Variants in GFRAL observed in about 807,000 individuals in gnomAD.
GFRAL encodes GDNF family receptor alpha like, also known as GDNF family receptor alpha-like.
A neutral mutation model predicts 45.4 loss-of-function variants in GFRAL; 36 were observed. The observed-to-expected ratio is 0.79, with a 90% CI of 0.61 to 1.05. The LOEUF (loss-of-function observed/expected upper bound fraction) is 1.05. GFRAL is among the 50% of genes least tolerant of loss of function. The probability of loss-of-function intolerance (pLI) is 0.00; values close to 1 mark genes in which losing one functional copy is unlikely to be tolerated. For missense variants in GFRAL, 507 were observed against 467.5 expected (o/e 1.08, Z -0.78); for synonymous variants, 166 against 154.1 (o/e 1.08, Z -0.57).
chr6:55,371,269 A>G (rs1027674880), intron 6 of GFRAL, among the ~76,000 whole-genome samples: 1 of 152,226 alleles, frequency 6.6e-6, no homozygotes, highest in African/African-American at 2.4e-5. Context: ...TGGTTGAACT[A>G]TAGAAATTCA....
intron 2 of GFRAL, among the ~76,000 whole-genome samples, chr6:55,333,571 G>A (rs1767856292): frequency 6.6e-6 from 1 of 152,106 alleles, no homozygotes; most frequent in African/African-American, 2.4e-5. Context: ...TTGAAATGCA[G>A]AAAGTTTTAA....
chr6:55,399,311 T>C, intron 7 of GFRAL, 36 bp downstream of exon 7: 1 of 1,518,792 alleles, frequency 6.6e-7, no homozygotes, highest in East Asian at 2.3e-5. Flanking sequence ...ATATTTATAT[T>C]ATTTATTTCC....
At chr6:55,395,802 A>G (rs1257335777) in intron 6 of GFRAL, among the ~76,000 whole-genome samples, 1 of 151,826 alleles carries the variant, frequency 6.6e-6, no homozygotes, top group African/African-American at 2.4e-5. Context: ...AAAAGAAAAA[A>G]GAAACAGTAA....
At chr6:55,394,770 C>A (rs1768799353) in intron 6 of GFRAL, among the ~76,000 whole-genome samples, 1 of 151,930 alleles carries the variant, frequency 6.6e-6, no homozygotes, top group Non-Finnish European at 1.5e-5. Context: ...GCAAAGACAT[C>A]AAATCTGGTG....
chr6:55,371,579 A>G (rs997002631), intron 6 of GFRAL, among the ~76,000 whole-genome samples: 1 of 152,174 alleles, frequency 6.6e-6, no homozygotes, highest in Non-Finnish European at 1.5e-5. Flanking sequence ...ATTTGTCACA[A>G]GTTTTTTGTA....
At chr6:55,356,739 G>T (rs1768200249) in intron 5 of GFRAL, among the ~76,000 whole-genome samples, 1 of 151,336 alleles carries the variant, frequency 6.6e-6, no homozygotes, top group Non-Finnish European at 1.5e-5. Flanking sequence ...TTAATTTTGG[G>T]TTCAGTTTGC....
intron 1 of GFRAL, among the ~76,000 whole-genome samples, chr6:55,329,369 GT>G (rs1767801963): frequency 6.6e-6 from 1 of 152,120 alleles, no homozygotes; most frequent in African/African-American, 2.4e-5. Context: ...AAGACAACAT[GT>G]AGTATTTCTA....
At chr6:55,341,828 A>C (rs1223072902) in intron 3 of GFRAL, among the ~76,000 whole-genome samples, 2 of 152,236 alleles carry the variant, frequency 1.3e-5, no homozygotes, top group African/African-American at 4.8e-5. Flanking sequence ...AAGTCCTTAA[A>C]TGAGCTGATG....
chr6:55,365,682 C>T (rs1056651884), intron 6 of GFRAL, among the ~76,000 whole-genome samples: 1 of 145,344 alleles, frequency 6.9e-6, no homozygotes, highest in Admixed American at 6.9e-5. Context: ...GCTTTTTCTG[C>T]ATCTATTGAG....
At chr6:55,342,314 A>C (rs566354572) in intron 3 of GFRAL, among the ~76,000 whole-genome samples, 1 of 152,342 alleles carries the variant, frequency 6.6e-6, no homozygotes, top group South Asian at 2.1e-4. Flanking sequence ...CAGCAGACTA[A>C]CAGCAGATCT....
At chr6:55,343,931 T>TCAA (rs1355864006) in intron 3 of GFRAL, among the ~76,000 whole-genome samples, 1 of 150,998 alleles carries the variant, frequency 6.6e-6, no homozygotes, top group Non-Finnish European at 1.5e-5. Context: ...AACCAGAAAA[T>TCAA]CAACAAGAAA....
chr6:55,399,226 A>G lies in GFRAL; in HGVS notation c.999A>G (p.Arg333=). The G allele has an allele frequency of 6.2e-7, 1 of 1,607,852 alleles. No individual in the cohort carries two copies. Among genetic ancestry groups the G allele is most frequent in the Non-Finnish European group, 8.5e-7 (1 of 1,175,908 alleles). ...TCAAAGGCATGGCATTGTATACAAG[A>G]AAACATGCAAACAAAATCACTTTAA... ...SNVKGMALYT[R]KHANKITLTG... The change falls in exon 7 of 9, where the codon AGA becomes AGG. Residue 333 remains arginine, a synonymous_variant. Transcript: ENST00000340465.
intron 5 of GFRAL, among the ~76,000 whole-genome samples, chr6:55,355,957 T>C (rs988689708): frequency 6.6e-6 from 1 of 152,028 alleles, no homozygotes; most frequent in Admixed American, 6.6e-5. Flanking sequence ...CTTTAGCAAA[T>C]GCTTTTTCAG....
chr6:55,399,337 A>T (rs759118506), intron 7 of GFRAL, 32 bp from the exon 8 acceptor site: 5 of 1,562,704 alleles, frequency 3.2e-6, no homozygotes, highest in Non-Finnish European at 4.4e-6. Flanking sequence ...AAATCCAGTG[A>T]CTATTATTTC....
chr6:55,364,312 T>A (rs62419078), intron 6 of GFRAL, among the ~76,000 whole-genome samples: 1 of 147,866 alleles, frequency 6.8e-6, no homozygotes, highest in African/African-American at 2.5e-5. Context: ...AAATTTGTTT[T>A]AGTTCATTGT....
At chr6:55,362,866 G>T (rs1768295867) in intron 6 of GFRAL, among the ~76,000 whole-genome samples, 1 of 151,350 alleles carries the variant, frequency 6.6e-6, no homozygotes, top group Non-Finnish European at 1.5e-5. Context: ...AGAAAAGGAG[G>T]AAGAGGAAAA....
chr6:55,399,516 C>T, intron 8 of GFRAL, 75 bp downstream of exon 8: 2 of 957,348 alleles, frequency 2.1e-6, no homozygotes, highest in Admixed American at 3.6e-5. Flanking sequence ...TGCACAATGG[C>T]TGAGCTTACA....
chr6:55,356,253 T>G (rs1473540755), intron 5 of GFRAL, among the ~76,000 whole-genome samples: 1 of 151,966 alleles, frequency 6.6e-6, no homozygotes, highest in Non-Finnish European at 1.5e-5. Flanking sequence ...TTTGGAAGTA[T>G]TCCCTCCTCT....
At position 55,331,805 on chromosome 6, in the gene GFRAL, G is replaced by A; in HGVS notation, c.113G>A (p.Cys38Tyr). 1 of 1,611,712 alleles carries A rather than the reference G, an allele frequency of 6.2e-7. No homozygotes were observed. Residue 38 changes from cysteine (C) to tyrosine (Y), a missense_variant, in exon 2 of 9, where the codon TGT becomes TAT. Transcript: ENST00000340465. ...REQCLRDANG[C>Y]KHAWRVMEDA... is the part of the protein sequence containing the mutation. ...CAATGCTTACGTGATGCAAATGGAT[G>A]TAAACATGCTTGGAGAGTAATGGAA...
Sources: allele counts gnomAD v4.1 joint callset (sites outside exome capture counted in the v4.1 genomes callset), GRCh38; gene constraint gnomAD v4.1.1; transcripts MANE v1.5; gene names NCBI Gene and HGNC (gene_info 2026-07-23, HGNC 2026-07-21).